Variants in JPT2 observed in about 807,000 individuals in gnomAD.
JPT2 encodes the protein CRAMP_1 like.
A neutral mutation model predicts 15.9 loss-of-function variants in JPT2; 9 were observed. That is an observed-to-expected ratio of 0.57 (90% CI 0.34 to 0.99). The LOEUF (loss-of-function observed/expected upper bound fraction) is 0.99. Ranked by LOEUF, JPT2 falls within the 50% of genes least tolerant of loss-of-function variation. The pLI is 0.02. For synonymous variants in JPT2, 95 were observed against 91.7 expected (o/e 1.04, Z -0.21); for missense variants, 267 against 252.1 (o/e 1.06, Z -0.40).
At chr16:1,702,193 G>A (rs1234585248), downstream of JPT2, 3 of 455,936 alleles carry the variant, frequency 6.6e-6, no homozygotes, top group Admixed American at 7.0e-5. Flanking sequence ...TTCCTCTCTA[G>A]GAGGCTCCAC....
intron 2 of JPT2, chr16:1,686,134 A>T (rs758612534): frequency 1.3e-5 from 2 of 153,088 alleles, no homozygotes; most frequent in Non-Finnish European, 2.9e-5. Flanking sequence ...GCACTTTGGG[A>T]GGCCAAGGTG....
chr16:1,702,249 G>A (rs1174023706), downstream of JPT2: 2 of 437,652 alleles, frequency 4.6e-6, no homozygotes, highest in South Asian at 1.6e-5. Context: ...GAAAGTCAAC[G>A]CTTGAGAAAG....
chr16:1,687,415 A>G (rs2037074886), intron 2 of JPT2, among the ~76,000 whole-genome samples: 1 of 151,838 alleles, frequency 6.6e-6, no homozygotes, highest in Admixed American at 6.5e-5. Flanking sequence ...AGGCCCAGGG[A>G]CTCCTGCATG....
Position 1,699,390 on chromosome 16 carries a change from G to A in JPT2, c.*392G>A, listed in dbSNP as rs1017358762. 1.6e-5 allele frequency: 7 copies of A among 429,568 alleles called. No homozygotes were observed. Among genetic ancestry groups the A allele is most frequent in the South Asian group, 5.2e-5 (3 of 57,862 alleles). 26.6% of individuals were successfully genotyped at this position (429,568 alleles called of 1,614,324 possible). A position where few individuals can be genotyped will look rare whatever the true frequency, so the allele number is the denominator to read the frequency against. ...ACTGCTGCTGTGGGATGGAGGAGGC[G>A]TAAGCAGAAACACTAACAGTATATT... On this transcript the variant is annotated 3_prime_UTR_variant, in exon 5 of 5. Transcript: ENST00000248098.
At chr16:1,679,475 C>T (rs1056767302) in intron 1 of JPT2, among the ~76,000 whole-genome samples, 1 of 152,060 alleles carries the variant, frequency 6.6e-6, no homozygotes, top group Non-Finnish European at 1.5e-5. Context: ...GTGGGCGAGT[C>T]ACGTGAGGTC....
Position 1,700,272 on chromosome 16 carries a change from G to A in JPT2, c.*1274G>A. 2.4e-6 allele frequency: 1 copy of A among 421,252 alleles called. No homozygotes were observed. The highest frequency in any genetic ancestry group is 1.6e-5 in the South Asian group (1 of 62,376). 26.1% of individuals were successfully genotyped at this position (421,252 alleles called of 1,614,324 possible). A position where few individuals can be genotyped will look rare whatever the true frequency, so the allele number is the denominator to read the frequency against. Reference sequence around the variant, plus strand: ...CCTGAGCTTTGCTCACTCAGCTAATGGGATGGCAAAGGTGGTGGTGCTTTC... The same window carrying A: ...CCTGAGCTTTGCTCACTCAGCTAATAGGATGGCAAAGGTGGTGGTGCTTTC... On this transcript the variant is annotated 3_prime_UTR_variant, in exon 5 of 5. Transcript: ENST00000248098.
Position 1,699,584 on chromosome 16 carries a change from A to G in JPT2, c.*586A>G. 3 of 317,436 alleles carry G rather than the reference A, an allele frequency of 9.5e-6. No homozygotes were observed. The highest frequency in any genetic ancestry group is 1.9e-5 in the Non-Finnish European group (3 of 160,232). The allele number at this position is 317,436 out of a possible 1,614,324, so 19.7% of individuals were successfully genotyped here. Reference sequence around the variant, plus strand: ...AAATAATAATAGTTATCCGTCTTCTACTTCATGGAAGATTGTTTTGGTGCC... The same window carrying G: ...AAATAATAATAGTTATCCGTCTTCTGCTTCATGGAAGATTGTTTTGGTGCC... On this transcript the variant is annotated 3_prime_UTR_variant, in exon 5 of 5. Transcript: ENST00000248098.
Position 1,701,937 on chromosome 16 carries a change from G to A in JPT2, c.*2939G>A. 1 of 328,676 alleles carries A rather than the reference G, an allele frequency of 3.0e-6. No homozygotes were observed. The allele number at this position is 328,676 out of a possible 1,614,324, so 20.4% of individuals were successfully genotyped here. ...CATGCCTGTAGTCCCAGCTACTCGG[G>A]AGGCTGAGTGAGGCAGGAGGATCAC... On this transcript the variant is annotated 3_prime_UTR_variant, in exon 5 of 5. Transcript: ENST00000248098.
intron 1 of JPT2, among the ~76,000 whole-genome samples, chr16:1,680,112 C>T (rs1440648926): frequency 6.6e-6 from 1 of 152,176 alleles, no homozygotes; most frequent in Non-Finnish European, 1.5e-5. Context: ...AGGTCTGCAC[C>T]GATGTGGGAC....
At chr16:1,687,197 G>A (rs2037073227) in intron 2 of JPT2, among the ~76,000 whole-genome samples, 1 of 152,066 alleles carries the variant, frequency 6.6e-6, no homozygotes, top group Non-Finnish European at 1.5e-5. Context: ...ATGTTGCCTA[G>A]GCTGGTCTCG....
chr16:1,682,618 G>A (rs1224597959), intron 1 of JPT2, among the ~76,000 whole-genome samples: 10 of 151,936 alleles, frequency 6.6e-5, no homozygotes, highest in South Asian at 4.1e-4. Context: ...ATTGCAGTGA[G>A]CCGAGATTGT....
At chr16:1,678,953 G>A (rs2036997833) in intron 1 of JPT2, among the ~76,000 whole-genome samples, 1 of 152,236 alleles carries the variant, frequency 6.6e-6, no homozygotes, top group African/African-American at 2.4e-5. Flanking sequence ...AGGGCGTCTG[G>A]GGAAGAGTCA....
intron 3 of JPT2, among the ~76,000 whole-genome samples, chr16:1,696,049 T>C (rs1260374573): frequency 6.6e-6 from 1 of 151,614 alleles, no homozygotes; most frequent in African/African-American, 2.4e-5. Flanking sequence ...GCCAACATGG[T>C]GAAACCCCAT....
At chr16:1,678,570 G>A (rs1169735683) in intron 1 of JPT2, among the ~76,000 whole-genome samples, 1 of 152,116 alleles carries the variant, frequency 6.6e-6, no homozygotes, top group Non-Finnish European at 1.5e-5. Context: ...CCGGGCTGTG[G>A]AGAGCTGCCC....
At chr16:1,693,304 C>T (rs1055635048) in intron 3 of JPT2, among the ~76,000 whole-genome samples, 2 of 152,136 alleles carry the variant, frequency 1.3e-5, no homozygotes, top group African/African-American at 2.4e-5. Context: ...ACCATGTTGG[C>T]CAGGCTGGTC....
At chr16:1,679,493 C>G (rs773398235) in intron 1 of JPT2, among the ~76,000 whole-genome samples, 4 of 151,870 alleles carry the variant, frequency 2.6e-5, no homozygotes, top group Admixed American at 1.3e-4. Context: ...GTCAAGAGTT[C>G]GAGACCAGCC....
chr16:1,684,133 T>A (rs1011915852), intron 1 of JPT2, among the ~76,000 whole-genome samples: 1 of 152,212 alleles, frequency 6.6e-6, no homozygotes, highest in African/African-American at 2.4e-5. Flanking sequence ...GATGCAACCA[T>A]CCTTTTATTT....
chr16:1,679,251 C>T (rs367690355), intron 1 of JPT2, among the ~76,000 whole-genome samples: 130 of 152,282 alleles, frequency 8.5e-4, no homozygotes, highest in African/African-American at 3.0e-3. Flanking sequence ...GGCACAGCCT[C>T]GCCAGAGAAG....
In JPT2 at chr16:1,696,770, C is replaced by T. The variant is rs111500286; in HGVS notation, c.337-1042C>T. On this transcript the variant is annotated intron_variant, in intron 3 of 4. Coordinates refer to ENST00000248098, the MANE Select transcript of JPT2 (RefSeq NM_144570.3). ...ACTGGGGACATGCACATCAGAAACCCGTGAGATGCCAGTGCATGCCTGTTC... is the reference window on the plus strand; with the variant it reads ...ACTGGGGACATGCACATCAGAAACCTGTGAGATGCCAGTGCATGCCTGTTC... Among the ~76,000 whole-genome samples, 452 of 152,194 alleles carry T rather than the reference C, an allele frequency of 3.0e-3. 4 individuals carry two copies. Among genetic ancestry groups the T allele is most frequent in the African/African-American group, 0.01 (430 of 41,500 alleles).
Sources: allele counts gnomAD v4.1 joint callset (sites outside exome capture counted in the v4.1 genomes callset), GRCh38; gene constraint gnomAD v4.1.1; transcripts MANE v1.5; gene names NCBI Gene and HGNC (gene_info 2026-07-23, HGNC 2026-07-21).